The following NFIB variants were observed in gnomAD, a reference collection of about 807,000 sequenced individuals.
NFIB encodes nuclear factor 1 B-type.
A neutral mutation model predicts 61.5 loss-of-function variants in NFIB; 11 were observed. That is an observed-to-expected ratio of 0.18 (90% CI 0.11 to 0.30). NFIB has a LOEUF of 0.30. Among genes scored for constraint, NFIB ranks in the 10% least tolerant of loss-of-function variants. The pLI is 1.00. For missense variants in NFIB, 471 were observed against 608.9 expected, an observed-to-expected ratio of 0.77 and a Z score of 2.38; for synonymous variants, 260 against 216.5, an observed-to-expected ratio of 1.20 and a Z score of -1.76.
intron 2 of NFIB, among the ~76,000 whole-genome samples, chr9:14,182,863 T>G (rs1040927427): frequency 6.6e-6 from 1 of 151,942 alleles, no homozygotes; most frequent in African/African-American, 2.4e-5. Flanking sequence ...TCTTGAAAAC[T>G]GCAATAATAT....
intron 2 of NFIB, among the ~76,000 whole-genome samples, chr9:14,203,037 GC>G (rs1441042774): frequency 6.6e-6 from 1 of 152,178 alleles, no homozygotes; most frequent in Non-Finnish European, 1.5e-5. Context: ...CTCATGCCTT[GC>G]AGGGGACATT....
chr9:14,422,671 T>C, the NFIB span, among the ~76,000 whole-genome samples: 1 of 152,230 alleles, frequency 6.6e-6, no homozygotes, highest in South Asian at 2.1e-4. Context: ...TGGCTCAGCA[T>C]AGGTCATGGG....
chr9:14,149,646 A>C (rs182978651), intron 5 of NFIB, among the ~76,000 whole-genome samples: 271 of 152,320 alleles, frequency 1.8e-3, no homozygotes, highest in African/African-American at 6.0e-3. Flanking sequence ...ACAGAGCGTT[A>C]ATTAAATTAG....
At chr9:14,456,110 A>G in the NFIB span, among the ~76,000 whole-genome samples, 1 of 152,128 alleles carries the variant, frequency 6.6e-6, no homozygotes, top group African/African-American at 2.4e-5. Context: ...CGATCATAAT[A>G]CCATTTCTGT....
intron 1 of NFIB, among the ~76,000 whole-genome samples, chr9:14,390,558 T>C (rs555082505): frequency 6.6e-6 from 1 of 152,346 alleles, no homozygotes; most frequent in East Asian, 1.9e-4. Flanking sequence ...CTAAATGCAA[T>C]AGACTGAATT....
chr9:14,273,817 T>C (rs2057794848), intron 2 of NFIB, among the ~76,000 whole-genome samples: 1 of 152,166 alleles, frequency 6.6e-6, no homozygotes. Context: ...AATGTTCACG[T>C]TTCCTGAAGC....
chr9:14,218,744 G>T (rs1017445589), intron 2 of NFIB, among the ~76,000 whole-genome samples: 4 of 152,160 alleles, frequency 2.6e-5, no homozygotes, highest in Non-Finnish European at 4.4e-5. Flanking sequence ...ATTGGAAGTG[G>T]ACTTATTTAA....
chr9:14,468,448 A>G, the NFIB span, among the ~76,000 whole-genome samples: 2 of 152,208 alleles, frequency 1.3e-5, no homozygotes, highest in African/African-American at 4.8e-5. Context: ...TTATTAATGA[A>G]TAGAGATGCA....
intron 3 of NFIB, among the ~76,000 whole-genome samples, chr9:14,167,083 CG>C (rs71491636): frequency 0.31 from 32,488 of 104,316 alleles, 4,885 homozygotes; most frequent in African/African-American, 0.47. Flanking sequence ...GTGTGTGTGT[CG>C]GGGGGGGGGG....
the NFIB span, among the ~76,000 whole-genome samples, chr9:14,409,574 C>T: frequency 6.6e-6 from 1 of 152,164 alleles, no homozygotes; most frequent in Non-Finnish European, 1.5e-5. Flanking sequence ...GGCAGTGCCC[C>T]ATGAGGAAAG....
intron 2 of NFIB, among the ~76,000 whole-genome samples, chr9:14,291,960 CA>C (rs2059132192): frequency 6.6e-6 from 1 of 151,756 alleles, no homozygotes; most frequent in South Asian, 2.1e-4. Flanking sequence ...CATCCACACA[CA>C]AAAAAAGAGA....
chr9:14,322,045 G>C (rs2060673131), intron 1 of NFIB: 2 of 1,214,896 alleles, frequency 1.6e-6, no homozygotes, highest in South Asian at 8.4e-5. Context: ...TTTTCTCAGG[G>C]GTTGTTTTGG....
chr9:14,347,579 A>G (rs2061042719), intron 1 of NFIB, among the ~76,000 whole-genome samples: 3 of 104,764 alleles, frequency 2.9e-5, no homozygotes, highest in Admixed American at 2.7e-4. Context: ...GCTGGGTGCG[A>G]TTGGGAGAGG....
intron 7 of NFIB, among the ~76,000 whole-genome samples, chr9:14,124,521 T>C (rs2039381222): frequency 6.6e-6 from 1 of 152,208 alleles, no homozygotes; most frequent in Non-Finnish European, 1.5e-5. Context: ...TTTTAAAAGA[T>C]GTTACATTGT....
chr9:14,231,129 AAAAAAAATATATATATATAT>A (rs1563926210), intron 2 of NFIB, among the ~76,000 whole-genome samples: 5 of 78,190 alleles, frequency 6.4e-5, no homozygotes, highest in African/African-American at 2.7e-4. Flanking sequence ...GGAAAAAAAA[AAAAAAAATATATATATATAT>A]ATATATATAT....
the NFIB span, among the ~76,000 whole-genome samples, chr9:14,440,067 G>A: frequency 4.8e-4 from 73 of 152,276 alleles, 1 homozygote; most frequent in African/African-American, 1.7e-3. Flanking sequence ...CTCACCAGGT[G>A]GACCTACTTT....
At chr9:14,269,110 C>T (rs993334543) in intron 2 of NFIB, among the ~76,000 whole-genome samples, 1 of 151,840 alleles carries the variant, frequency 6.6e-6, no homozygotes, top group African/African-American at 2.4e-5. Context: ...GCTCATGTTA[C>T]GAGGTCCTCT....
the NFIB span, among the ~76,000 whole-genome samples, chr9:14,480,927 C>G: frequency 2.0e-5 from 3 of 151,846 alleles, no homozygotes; most frequent in Non-Finnish European, 2.9e-5. Context: ...ATTTCAGATC[C>G]AGGCTTTAAA....
At position 14,084,997 on chromosome 9, in the gene NFIB, T is replaced by C. The variant is rs777243522; in HGVS notation, c.*3312A>G. 9 of 229,344 alleles carry C rather than the reference T, an allele frequency of 3.9e-5. No individual in the cohort carries two copies. Among genetic ancestry groups the C allele is most frequent in the Admixed American group, 5.7e-5 (1 of 17,614 alleles). 14.2% of individuals were successfully genotyped at this position (229,344 alleles called of 1,614,324 possible). On this transcript the variant is annotated 3_prime_UTR_variant, in exon 11 of 11. Transcript: ENST00000380953. The stretch of plus-strand genomic sequence containing the variant: ...AGAGAGCGAGTCTGCCTTTAAAAAA[T>C]ACTGTGTGTCCTGTGAGGTTCATTT...
Sources: allele counts gnomAD v4.1 joint callset (sites outside exome capture counted in the v4.1 genomes callset), GRCh38; gene constraint gnomAD v4.1.1; transcripts MANE v1.5; gene names NCBI Gene and HGNC (gene_info 2026-07-23, HGNC 2026-07-21).